SGCZ: variants seen among roughly 807,000 people sequenced by gnomAD.
The protein encoded by SGCZ is sarcoglycan zeta.
Under a neutral mutation model 41.3 loss-of-function variants are expected in SGCZ, and 40 were observed. The ratio of observed to expected loss-of-function variants is 0.97; its 90% CI spans 0.75 to 1.26. The LOEUF (loss-of-function observed/expected upper bound fraction) is 1.26. SGCZ is among the 50% of genes most tolerant of loss of function. The probability of loss-of-function intolerance (pLI) is 0.00; values close to 1 mark genes in which losing one functional copy is unlikely to be tolerated. For synonymous variants in SGCZ, 206 were observed against 137.5 expected, an observed-to-expected ratio of 1.50 and a Z score of -3.49; for missense variants, 552 against 369.8, an observed-to-expected ratio of 1.49 and a Z score of -4.04.
At chr8:14,534,969 TATCTCTTCAATAAA>T (rs2117135161) in intron 2 of SGCZ, among the ~76,000 whole-genome samples, 1 of 152,106 alleles carries the variant, frequency 6.6e-6, no homozygotes, top group Non-Finnish European at 1.5e-5. Context: ...AAGAATGACG[TATCTCTTCAATAAA>T]GTCCCTGGAC....
intron 1 of SGCZ, among the ~76,000 whole-genome samples, chr8:14,841,256 G>C (rs530196440): frequency 6.6e-6 from 1 of 152,060 alleles, no homozygotes; most frequent in Non-Finnish European, 1.5e-5. Flanking sequence ...AATCCACCTG[G>C]TCCTTCTCTT....
chr8:14,305,760 A>T (rs1311141841), intron 3 of SGCZ, among the ~76,000 whole-genome samples: 1 of 152,186 alleles, frequency 6.6e-6, no homozygotes, highest in Non-Finnish European at 1.5e-5. Context: ...AAGTTGAATC[A>T]ATTTCTTATC....
At chr8:14,124,851 C>T (rs765060668) in intron 5 of SGCZ, among the ~76,000 whole-genome samples, 35 of 151,986 alleles carry the variant, frequency 2.3e-4, no homozygotes, top group Non-Finnish European at 4.4e-4. Context: ...TATTAAGAAC[C>T]TAAAGGTATT....
chr8:14,828,529 C>A (rs1452822182), intron 1 of SGCZ, among the ~76,000 whole-genome samples: 1 of 152,202 alleles, frequency 6.6e-6, no homozygotes, highest in Non-Finnish European at 1.5e-5. Flanking sequence ...AATCAAGATC[C>A]TGAAGCACTT....
chr8:14,626,003 G>A (rs1161248547), intron 1 of SGCZ, among the ~76,000 whole-genome samples: 1 of 152,160 alleles, frequency 6.6e-6, no homozygotes, highest in African/African-American at 2.4e-5. Context: ...AGAAAAAGGG[G>A]CAGTCGCATA....
At chr8:14,508,231 C>A (rs1206812324) in intron 2 of SGCZ, among the ~76,000 whole-genome samples, 1 of 152,030 alleles carries the variant, frequency 6.6e-6, no homozygotes, top group African/African-American at 2.4e-5. Flanking sequence ...ACCCTGAGAC[C>A]AAGAATATTG....
chr8:14,705,566 A>G (rs1809307060), intron 1 of SGCZ, among the ~76,000 whole-genome samples: 1 of 151,938 alleles, frequency 6.6e-6, no homozygotes, highest in Non-Finnish European at 1.5e-5. Context: ...AAGCAATTTA[A>G]TAGATCAAAA....
intron 1 of SGCZ, among the ~76,000 whole-genome samples, chr8:14,656,273 G>C (rs1017375733): frequency 1.3e-5 from 2 of 151,972 alleles, no homozygotes; most frequent in Non-Finnish European, 2.9e-5. Flanking sequence ...GATTGTTTTA[G>C]CCATTCTGAT....
At chr8:14,407,375 T>A (rs1028906648) in intron 2 of SGCZ, among the ~76,000 whole-genome samples, 1 of 152,142 alleles carries the variant, frequency 6.6e-6, no homozygotes, top group African/African-American at 2.4e-5. Flanking sequence ...TATCATATTA[T>A]ACAGATAAGA....
At chr8:14,756,799 T>C (rs904719614) in intron 1 of SGCZ, among the ~76,000 whole-genome samples, 30 of 152,164 alleles carry the variant, frequency 2.0e-4, no homozygotes, top group Admixed American at 2.6e-4. Flanking sequence ...TGAGGAGATA[T>C]ATCTAGGATT....
chr8:14,203,986 C>T (rs575568813), intron 4 of SGCZ, among the ~76,000 whole-genome samples: 7 of 151,138 alleles, frequency 4.6e-5, no homozygotes, highest in African/African-American at 1.5e-4. Context: ...GGGGAAAGAG[C>T]GCTCCAAGAA....
chr8:14,713,664 C>G (rs1809593725), intron 1 of SGCZ, among the ~76,000 whole-genome samples: 2 of 147,962 alleles, frequency 1.4e-5, no homozygotes, highest in South Asian at 2.2e-4. Context: ...AACTCCAACC[C>G]TTAAAAACAG....
chr8:14,162,065 A>G (rs777104432), intron 5 of SGCZ, among the ~76,000 whole-genome samples: 11 of 152,178 alleles, frequency 7.2e-5, no homozygotes, highest in Non-Finnish European at 1.5e-4. Context: ...AATTTGGGCT[A>G]AGGAAGCACT....
At chr8:14,591,566 T>A (rs937871097) in intron 1 of SGCZ, among the ~76,000 whole-genome samples, 7 of 152,110 alleles carry the variant, frequency 4.6e-5, no homozygotes, top group African/African-American at 1.7e-4. Context: ...CAATATTTTA[T>A]TCTTCAAATT....
chr8:15,233,038 C>T (rs1039047199), intron 1 of SGCZ, among the ~76,000 whole-genome samples: 12 of 151,432 alleles, frequency 7.9e-5, no homozygotes, highest in Admixed American at 7.9e-4. Flanking sequence ...TGACTAGTTG[C>T]TATTTTGTAA....
At chr8:15,024,669 G>A (rs1462942345) in intron 1 of SGCZ, among the ~76,000 whole-genome samples, 1 of 152,216 alleles carries the variant, frequency 6.6e-6, no homozygotes, top group Non-Finnish European at 1.5e-5. Context: ...CCGGGTGGTG[G>A]CTCAAGCCTG....
chr8:15,053,769 C>G (rs1804607267), intron 1 of SGCZ, among the ~76,000 whole-genome samples: 1 of 152,096 alleles, frequency 6.6e-6, no homozygotes, highest in African/African-American at 2.4e-5. Context: ...ACCTGGATTA[C>G]CTTCATTCAA....
intron 1 of SGCZ, among the ~76,000 whole-genome samples, chr8:14,852,321 C>T (rs1048564130): frequency 2.6e-5 from 4 of 152,048 alleles, no homozygotes; most frequent in African/African-American, 9.7e-5. Flanking sequence ...ATTCTACAGT[C>T]ATAATACTTT....
chr8:14,566,033 A>C (rs185270175), intron 1 of SGCZ, among the ~76,000 whole-genome samples: 1 of 152,332 alleles, frequency 6.6e-6, no homozygotes, highest in Admixed American at 6.5e-5. Context: ...GCTTTGGGTT[A>C]TCTCACTTAT....
Sources: gnomAD v4.1 joint callset for allele counts (sites outside exome capture counted in the v4.1 genomes callset) on GRCh38, gnomAD v4.1.1 for gene constraint, MANE v1.5 for transcripts, NCBI Gene and HGNC (gene_info 2026-07-23, HGNC 2026-07-21) for gene names.